LINGO1: variants seen among roughly 807,000 people sequenced by gnomAD.
LINGO1 encodes the protein leucine-rich repeat and immunoglobulin-like domain-containing nogo receptor-interacting protein 1.
A neutral mutation model predicts 37.3 loss-of-function variants in LINGO1; 11 were observed. The observed-to-expected ratio is 0.29, with a 90% CI of 0.19 to 0.49. The LOEUF is 0.49. Among genes scored for constraint, LINGO1 ranks in the 20% least tolerant of loss-of-function variants. The probability of loss-of-function intolerance (pLI) is 0.99; values close to 1 mark genes in which losing one functional copy is unlikely to be tolerated. For synonymous variants in LINGO1, 387 were observed against 403.0 expected (o/e 0.96, Z 0.48); for missense variants, 585 against 878.2 (o/e 0.67, Z 4.22).
At chr15:77,817,488 C>A (rs113673032) in intron 1 of LINGO1, among the ~76,000 whole-genome samples, 5,247 of 152,256 alleles carry the variant, frequency 0.034, 306 homozygotes, top group African/African-American at 0.12. Context: ...TGGTAGTGAA[C>A]TCCCAGAGCT....
intron 1 of LINGO1, among the ~76,000 whole-genome samples, chr15:77,780,931 G>A (rs958695651): frequency 6.6e-6 from 1 of 152,164 alleles, no homozygotes; most frequent in African/African-American, 2.4e-5. Flanking sequence ...GTCTTGGTAT[G>A]CTATTGTCAC....
chr15:77,666,514 C>G (rs555694973), intron 3 of LINGO1, among the ~76,000 whole-genome samples: 15 of 152,262 alleles, frequency 9.9e-5, no homozygotes, highest in African/African-American at 3.4e-4. Flanking sequence ...GGGGAGCACA[C>G]AGGGGAAGAG....
chr15:77,675,536 G>A (rs1295844708), intron 3 of LINGO1, among the ~76,000 whole-genome samples: 1 of 152,150 alleles, frequency 6.6e-6, no homozygotes, highest in Non-Finnish European at 1.5e-5. Flanking sequence ...TAACTAATAT[G>A]AGCCCATGTT....
At chr15:77,758,412 CTT>C (rs2141378118) in intron 1 of LINGO1, among the ~76,000 whole-genome samples, 1 of 152,258 alleles carries the variant, frequency 6.6e-6, no homozygotes, top group African/African-American at 2.4e-5. Context: ...CTCACTTGAC[CTT>C]TCTTGGGTAT....
intron 1 of LINGO1, among the ~76,000 whole-genome samples, chr15:77,814,704 C>A (rs2077034228): frequency 6.6e-6 from 1 of 152,220 alleles, no homozygotes; most frequent in South Asian, 2.1e-4. Flanking sequence ...CTTGAAGCAG[C>A]TGAGCCAAGA....
At chr15:77,657,260 G>A (rs1336825258) in intron 3 of LINGO1, among the ~76,000 whole-genome samples, 1 of 152,046 alleles carries the variant, frequency 6.6e-6, no homozygotes, top group Non-Finnish European at 1.5e-5. Flanking sequence ...CCTGACCTCA[G>A]GTAGCTGCCC....
intron 2 of LINGO1, among the ~76,000 whole-genome samples, chr15:77,793,753 G>A (rs936259382): frequency 2.0e-5 from 3 of 152,290 alleles, no homozygotes; most frequent in South Asian, 4.1e-4. Context: ...AATAATCTTG[G>A]TATGGGATTA....
Position 77,632,247 on chromosome 15 carries a change from GC to G in LINGO1, c.6+62del, listed in dbSNP as rs1270026960. ...GAGGGCGCAGCCAGGGCCGATGGCG[GC>G]CCCCAGGGGCACTCGCCGCGGGGCT... On this transcript the variant is annotated intron_variant, in intron 1 of 1. Transcript: ENST00000355300. The surrounding 1 kb of genome is among the most constrained non-coding windows in gnomAD (Gnocchi z 6.0). The G allele has an allele frequency of 1.5e-4, 196 of 1,318,018 alleles. No homozygotes were observed. The highest frequency in any genetic ancestry group is 1.8e-4 in the Non-Finnish European group (189 of 1,038,900). The allele number at this position is 1,318,018 out of a possible 1,614,324, so 81.6% of individuals were successfully genotyped here.
At position 77,794,289 on chromosome 15, in the gene LINGO1, TGTATGTATATATATAC is replaced by T. The variant is rs1209322226; in HGVS notation, c.-343+1634_-343+1649del. On this transcript the variant is annotated intron_variant, in intron 2 of 5. Coordinates refer to the LINGO1 transcript ENST00000562933. ...GCAGAAACATATACATATATATATA[TGTATGTATATATATAC>T]ATATATGTGTATATACATACATATA... Among the ~76,000 whole-genome samples the T allele has an allele frequency of 1.9e-3, 183 of 96,966 alleles. 24 individuals carry two copies. The highest frequency in any genetic ancestry group is 6.4e-3 in the African/African-American group (157 of 24,460). The allele number at this position is 96,966 out of a possible 152,430, so 63.6% of individuals were successfully genotyped here.
chr15:77,650,673 G>T (rs2074740547), intron 3 of LINGO1, among the ~76,000 whole-genome samples: 1 of 152,190 alleles, frequency 6.6e-6, no homozygotes, highest in South Asian at 2.1e-4. Flanking sequence ...GCTAGGCCAG[G>T]GTAGGACTGC....
chr15:77,625,165 G>T (rs1273074247), intron 1 of LINGO1, among the ~76,000 whole-genome samples: 1 of 152,160 alleles, frequency 6.6e-6, no homozygotes, highest in Non-Finnish European at 1.5e-5. Context: ...TTGGGGTGGG[G>T]GGTGCCACAG....
upstream of LINGO1, among the ~76,000 whole-genome samples, chr15:77,791,405 AT>A (rs2076817820): frequency 6.6e-6 from 1 of 151,932 alleles, no homozygotes; most frequent in Non-Finnish European, 1.5e-5. Context: ...AAGGGAAGAC[AT>A]TCTGGAAAAT....
At chr15:77,687,439 C>T (rs1232251467) in intron 2 of LINGO1, among the ~76,000 whole-genome samples, 1 of 152,142 alleles carries the variant, frequency 6.6e-6, no homozygotes, top group Non-Finnish European at 1.5e-5. Flanking sequence ...ATAACCTGTC[C>T]CCCAGGGGCC....
At chr15:77,636,169 C>G (rs75348003), upstream of LINGO1, among the ~76,000 whole-genome samples, 2,912 of 152,272 alleles carry the variant, frequency 0.019, 65 homozygotes, top group African/African-American at 0.06. Flanking sequence ...CTGTGTGTAT[C>G]TAATGTTAGT....
chr15:77,643,771 C>T (rs745888787), intron 3 of LINGO1, among the ~76,000 whole-genome samples: 1 of 152,186 alleles, frequency 6.6e-6, no homozygotes, highest in Non-Finnish European at 1.5e-5. Flanking sequence ...GCTTCCTTCC[C>T]GAGTCTGGTG....
chr15:77,623,674 C>A (rs1012145923), intron 1 of LINGO1, among the ~76,000 whole-genome samples: 1 of 152,108 alleles, frequency 6.6e-6, no homozygotes, highest in African/African-American at 2.4e-5. Flanking sequence ...GCCCCGCCCC[C>A]ACCTGCCTCC....
chr15:77,780,317 G>A (rs977238715), intron 1 of LINGO1, among the ~76,000 whole-genome samples: 1 of 152,148 alleles, frequency 6.6e-6, no homozygotes, highest in African/African-American at 2.4e-5. Flanking sequence ...AGGCGTGTGG[G>A]TCTGAAGGCT....
rs114671841 is a variant in LINGO1, at chr15:77,778,331, C to T, written c.-257+8538G>A. On this transcript the variant is annotated intron_variant, in intron 1 of 3. Transcript: ENST00000561686. Reference sequence around the variant, plus strand: ...ATCTCCCCAGCTCAAGATACTTAACCACCACTCTGCAAAGACATTTTCCAC... The same window carrying T: ...ATCTCCCCAGCTCAAGATACTTAACTACCACTCTGCAAAGACATTTTCCAC... Among the ~76,000 whole-genome samples, 1,269 of 152,326 alleles carry T rather than the reference C, an allele frequency of 8.3e-3. 22 individuals carry two copies. Among genetic ancestry groups the T allele is most frequent in the African/African-American group, 0.029 (1,193 of 41,562 alleles).
intron 1 of LINGO1, among the ~76,000 whole-genome samples, chr15:77,770,880 C>T (rs139854311): frequency 0.018 from 2,730 of 152,358 alleles, 43 homozygotes; most frequent in Non-Finnish European, 0.03. Flanking sequence ...TACCTGGCCT[C>T]CTGCCTAGGC....
Sources: allele counts gnomAD v4.1 joint callset (sites outside exome capture counted in the v4.1 genomes callset), GRCh38; gene constraint gnomAD v4.1.1; non-coding constraint Gnocchi (gnomAD v3.1); transcripts MANE v1.5; gene names NCBI Gene and HGNC (gene_info 2026-07-23, HGNC 2026-07-21).